Variants in TIMM23B observed in about 807,000 individuals in gnomAD.
TIMM23B encodes mitochondrial import inner membrane translocase subunit Tim23B.
TIMM23B carries 27 observed loss-of-function variants against 27.3 expected under a neutral mutation model. The ratio of observed to expected loss-of-function variants is 0.99; its 90% CI spans 0.73 to 1.36. The LOEUF is 1.36. TIMM23B is among the 40% of genes most tolerant of loss of function. TIMM23B has a pLI of 0.00. For synonymous variants in TIMM23B, 73 were observed against 92.4 expected (o/e 0.79, Z 1.21); for missense variants, 205 against 244.2 (o/e 0.84, Z 1.07).
chr10:49,962,058 C>CATT, intron 6 of TIMM23B, among the ~76,000 whole-genome samples: 1 of 151,990 alleles, frequency 6.6e-6, no homozygotes, highest in East Asian at 1.9e-4. Flanking sequence ...CTAAACCCTG[C>CATT]ATTAACATCT....
intron 2 of TIMM23B, among the ~76,000 whole-genome samples, chr10:49,948,477 C>T (rs1839421753): frequency 6.6e-6 from 1 of 151,940 alleles, no homozygotes. Flanking sequence ...AATGTTTATC[C>T]ACTGATGAAT....
At chr10:49,964,956 C>T (rs1302772926) in intron 6 of TIMM23B, among the ~76,000 whole-genome samples, 1 of 151,982 alleles carries the variant, frequency 6.6e-6, no homozygotes, top group African/African-American at 2.4e-5. Flanking sequence ...TGCAGTGGCT[C>T]ACGCTTGTAA....
chr10:49,943,781 C>G (rs1839259218), intron 1 of TIMM23B, among the ~76,000 whole-genome samples: 1 of 137,744 alleles, frequency 7.3e-6, no homozygotes, highest in Non-Finnish European at 1.5e-5. Flanking sequence ...CCCTTGCGCT[C>G]ACAGAGCTTA....
intron 6 of TIMM23B, among the ~76,000 whole-genome samples, chr10:49,962,687 T>C (rs1163958099): frequency 1.3e-5 from 2 of 152,192 alleles, no homozygotes; most frequent in African/African-American, 4.8e-5. Flanking sequence ...CATCTGTCCA[T>C]CTTTGTTCAG....
At chr10:49,942,776 ACCT>A (rs1359569044) in intron 1 of TIMM23B, among the ~76,000 whole-genome samples, 2 of 151,848 alleles carry the variant, frequency 1.3e-5, no homozygotes, top group African/African-American at 4.9e-5. Flanking sequence ...AGGCTAGGAA[ACCT>A]TCTTTAGGAG....
intron 1 of TIMM23B, among the ~76,000 whole-genome samples, chr10:49,943,830 A>G (rs1305690170): frequency 6.6e-6 from 1 of 150,560 alleles, no homozygotes; most frequent in Admixed American, 6.7e-5. Flanking sequence ...AAATTAAAAC[A>G]TTGCCTTTAG....
At chr10:49,962,480 C>T (rs1206110957) in intron 6 of TIMM23B, among the ~76,000 whole-genome samples, 25 of 152,290 alleles carry the variant, frequency 1.6e-4, no homozygotes, top group Non-Finnish European at 2.5e-4. Flanking sequence ...GGATTACAGG[C>T]GTGAACCACC....
intron 1 of TIMM23B, 71 bp from the exon 2 acceptor site, chr10:49,944,961 G>T: frequency 6.4e-7 from 1 of 1,568,594 alleles, no homozygotes; most frequent in Admixed American, 1.8e-5. Context: ...TAACAATCAG[G>T]AGCTGGATTA....
intron 6 of TIMM23B, among the ~76,000 whole-genome samples, chr10:49,965,541 GAAA>G (rs1554855263): frequency 4.2e-4 from 64 of 150,966 alleles, no homozygotes; most frequent in Non-Finnish European, 5.3e-4. Context: ...GAAATGAAAT[GAAA>G]TGAGAAATGA....
Position 49,973,888 on chromosome 10 carries a change from G to A in TIMM23B, c.*824G>A, listed in dbSNP as rs1455105317. The A allele has an allele frequency of 7.2e-6, 1 of 139,116 alleles. No homozygotes were observed. Among genetic ancestry groups the A allele is most frequent in the East Asian group, 2.0e-4 (1 of 4,906 alleles). 8.6% of individuals were successfully genotyped at this position (139,116 alleles called of 1,614,324 possible). A position where few individuals can be genotyped will look rare whatever the true frequency, so the allele number is the denominator to read the frequency against. On this transcript the variant is annotated 3_prime_UTR_variant, in exon 7 of 7. Transcript: ENST00000651259. The stretch of plus-strand genomic sequence containing the variant: ...GTGCTCTCAGCTCACTGCAACCTCT[G>A]CCTCCCGGCTTCAAGCAGTTCTCCT...
At chr10:49,949,002 C>G (rs2133056354) in intron 2 of TIMM23B, among the ~76,000 whole-genome samples, 1 of 152,226 alleles carries the variant, frequency 6.6e-6, no homozygotes, top group East Asian at 1.9e-4. Context: ...GTCCTTCTGC[C>G]TCATCCTCCT....
chr10:49,956,190 A>C (rs1190571229), intron 5 of TIMM23B, among the ~76,000 whole-genome samples: 17 of 152,030 alleles, frequency 1.1e-4, no homozygotes, highest in Admixed American at 9.8e-4. Flanking sequence ...AAGTATAAAA[A>C]TACTGCAGTA....
chr10:49,973,485 G>A lies in TIMM23B; in HGVS notation c.*421G>A, dbSNP rs1392980002. The A allele has an allele frequency of 1.8e-5, 3 of 171,038 alleles. No homozygotes were observed. Among genetic ancestry groups the A allele is most frequent in the Non-Finnish European group, 3.7e-5 (3 of 80,940 alleles). The allele number at this position is 171,038 out of a possible 1,614,324, so 10.6% of individuals were successfully genotyped here. A position where few individuals can be genotyped will look rare whatever the true frequency, so the allele number is the denominator to read the frequency against. On this transcript the variant is annotated 3_prime_UTR_variant, in exon 7 of 7. Transcript: ENST00000651259. ...GGGGCTAGGAGTTCAAGACCAGCCT[G>A]GGCAATATAGCAAGATTTCATCTCT...
chr10:49,958,208 C>T (rs1427604652), intron 5 of TIMM23B, among the ~76,000 whole-genome samples, 162 bp from the exon 6 acceptor site: 2 of 152,104 alleles, frequency 1.3e-5, no homozygotes, highest in Non-Finnish European at 2.9e-5. Context: ...AAAGCTGATT[C>T]CAGAACCAAG....
chr10:49,945,245 G>T (rs1839319422), intron 2 of TIMM23B, among the ~76,000 whole-genome samples, 155 bp downstream of exon 2: 1 of 152,066 alleles, frequency 6.6e-6, no homozygotes, highest in Non-Finnish European at 1.5e-5. Context: ...CAGGAGCTTG[G>T]CCTGCATCTC....
At chr10:49,945,830 A>G (rs1188314994) in intron 2 of TIMM23B, among the ~76,000 whole-genome samples, 1 of 152,156 alleles carries the variant, frequency 6.6e-6, no homozygotes, top group Non-Finnish European at 1.5e-5. Flanking sequence ...TACAAAGACC[A>G]CATGCTTATC....
Position 49,954,902 on chromosome 10 carries a change from G to A in TIMM23B, c.345-100G>A, listed in dbSNP as rs1459863784. 158 of 1,327,602 alleles carry A rather than the reference G, an allele frequency of 1.2e-4. 1 individual carries two copies. In the South Asian group the frequency reaches 1.4e-3, roughly 12 times the overall value. The allele number at this position is 1,327,602 out of a possible 1,614,324, so 82.2% of individuals were successfully genotyped here. A position where few individuals can be genotyped will look rare whatever the true frequency, so the allele number is the denominator to read the frequency against. On this transcript the variant is annotated intron_variant, in intron 4 of 6. Transcript: ENST00000651259. ...TATTTTAGAATTTAAAAAACTTTGC[G>A]CCCTGGGTCTAGACATGTTAAATAG...
rs1839358480 is a variant in TIMM23B at position 49,946,447 on chromosome 10, A to T, written c.165+1357A>T. 2.0e-5 allele frequency among the ~76,000 whole-genome samples: 3 copies of T among 152,338 alleles called. No homozygotes were observed. The East Asian group carries it at 5.8e-4, about 29-fold the overall frequency. Reference sequence around the variant, plus strand: ...ACAAATGACATGATCTTATCTATAGAAAATCACAAGGGAAATCACAAAAAT... The same window carrying T: ...ACAAATGACATGATCTTATCTATAGTAAATCACAAGGGAAATCACAAAAAT... On this transcript the variant is annotated intron_variant, in intron 2 of 6. Coordinates refer to ENST00000651259, the MANE Select transcript of TIMM23B (RefSeq NM_001290117.2).
intron 4 of TIMM23B, among the ~76,000 whole-genome samples, chr10:49,954,686 A>G (rs1269918306): frequency 6.6e-6 from 1 of 150,500 alleles, no homozygotes; most frequent in East Asian, 1.9e-4. Context: ...CCTTATATAT[A>G]TTTAATGTGT....
Sources: allele counts gnomAD v4.1 joint callset (sites outside exome capture counted in the v4.1 genomes callset), GRCh38; gene constraint gnomAD v4.1.1; transcripts MANE v1.5; gene names NCBI Gene and HGNC (gene_info 2026-07-23, HGNC 2026-07-21).